FAAP100: variants seen among roughly 807,000 people sequenced by gnomAD.
FAAP100 encodes Fanconi anemia core complex-associated protein 100.
Under a neutral mutation model 65.8 loss-of-function variants are expected in FAAP100, and 46 were observed. That is an observed-to-expected ratio of 0.70 (90% CI 0.55 to 0.89). The LOEUF (loss-of-function observed/expected upper bound fraction) is 0.89, where lower values mean the gene tolerates loss of function less well. FAAP100 is among the 40% of genes least tolerant of loss of function. The pLI, the probability that FAAP100 is intolerant of heterozygous loss-of-function variation, is 0.00. For synonymous variants in FAAP100, 663 were observed against 555.1 expected, an observed-to-expected ratio of 1.19 and a Z score of -2.73; for missense variants, 1,165 against 1,196.7, an observed-to-expected ratio of 0.97 and a Z score of 0.39.
intron 2 of FAAP100, 112 bp downstream of exon 2, chr17:81,551,816 C>CAG: frequency 5.8e-6 from 8 of 1,387,388 alleles, no homozygotes; most frequent in Non-Finnish European, 7.4e-6. Flanking sequence ...GCCGAGGCTT[C>CAG]AGAGCTGGCG....
Position 81,550,265 on chromosome 17 carries a change from G to A in FAAP100, c.1229C>T (p.Ser410Phe). The change falls in exon 3 of 9, where the codon TCT becomes TTT. Residue 410 changes from serine to phenylalanine, a missense_variant. By Grantham distance (155) the Ser-to-Phe change is radical. Coordinates refer to ENST00000327787, the MANE Select transcript of FAAP100 (RefSeq NM_025161.6). ...GCTCATACCTTCATGCGTCCTGGGAGACGCGGACAGCGAGACGACACTGCA... is the reference window on the plus strand; with the variant it reads ...GCTCATACCTTCATGCGTCCTGGGAAACGCGGACAGCGAGACGACACTGCA... ...NICSVVSLSASPRTHEGGTKL... is the reference protein window; with the variant it reads ...NICSVVSLSAFPRTHEGGTKL... The A allele has an allele frequency of 6.2e-7, 1 of 1,605,928 alleles. No individual in the cohort carries two copies. The highest frequency in any genetic ancestry group is 8.5e-7 in the Non-Finnish European group (1 of 1,175,524).
chr17:81,551,270 A>C, intron 2 of FAAP100, 67 bp from the exon 3 acceptor site: 6 of 1,409,324 alleles, frequency 4.3e-6, no homozygotes, highest in Non-Finnish European at 4.7e-6. Flanking sequence ...CTTCACAATA[A>C]CCTGGCATGG....
At chr17:81,545,595 G>C (rs555293090) in intron 6 of FAAP100, 151 bp downstream of exon 6, 1 of 1,134,226 alleles carries the variant, frequency 8.8e-7, no homozygotes, top group Admixed American at 2.8e-5. Flanking sequence ...CTTGGTGCGA[G>C]GGGAAACTGT....
chr17:81,549,409 A>G, intron 3 of FAAP100, 47 bp from the exon 4 acceptor site: 6 of 1,571,544 alleles, frequency 3.8e-6, no homozygotes, highest in Non-Finnish European at 5.2e-6. Flanking sequence ...GGGAGGGGCA[A>G]GCAGCATGAC....
At position 81,544,131 on chromosome 17, in the gene FAAP100, G is replaced by A. The variant is rs2033213136; in HGVS notation, c.2311-11C>T. ...GTCAGTCATGGCCACCTGCAACACA[G>A]GAGCCACCTCACTGCCTGCCTGTGG... On this transcript the variant is annotated splice_polypyrimidine_tract_variant and intron_variant, in intron 6 of 8. Transcript: ENST00000327787. The A allele has an allele frequency of 6.3e-7, 1 of 1,595,650 alleles. No individual in the cohort carries two copies. Among genetic ancestry groups the A allele is most frequent in the South Asian group, 1.1e-5 (1 of 90,634 alleles).
Position 81,549,258 on chromosome 17 carries a change from C to T in FAAP100, c.1351G>A (p.Ala451Thr), listed in dbSNP as rs1598598411. Reference sequence around the variant, plus strand: ...AGCAGCTCCTTTATTTTCTGACCTGCACTCTCTGTGGTCATCCTGGCTGGG... The same window carrying T: ...AGCAGCTCCTTTATTTTCTGACCTGTACTCTCTGTGGTCATCCTGGCTGGG... ...PGPARMTTES[A>T]GQKIKELLSG... Residue 451 changes from alanine (A) to threonine (T), a missense_variant, in exon 4 of 9, where the codon GCA becomes ACA. Physicochemically the swap from Ala to Thr is moderately conservative, Grantham distance 58 (BLOSUM62 0). Coordinates refer to ENST00000327787, the MANE Select transcript of FAAP100 (RefSeq NM_025161.6). The T allele has an allele frequency of 3.7e-6, 6 of 1,613,092 alleles. No homozygotes were observed. In the East Asian group the frequency reaches 8.9e-5, roughly 24 times the overall value.
Position 81,540,668 on chromosome 17 carries a change from T to C in FAAP100, c.*151A>G, listed in dbSNP as rs560625889. ...TTTGTGCTCCACGGCCTCCAAGCAC[T>C]TTCATGAGCGTTCTGCTCCTACGTG... On this transcript the variant is annotated 3_prime_UTR_variant, in exon 9 of 9. Transcript: ENST00000327787. The C allele has an allele frequency of 5.5e-6, 6 of 1,091,842 alleles. No homozygotes were observed. In the South Asian group the frequency reaches 1.3e-4, roughly 24 times the overall value. 67.6% of individuals were successfully genotyped at this position (1,091,842 alleles called of 1,614,324 possible).
At chr17:81,551,766 G>A in intron 2 of FAAP100, 162 bp downstream of exon 2, 1 of 1,373,484 alleles carries the variant, frequency 7.3e-7, no homozygotes, top group Non-Finnish European at 9.3e-7. Flanking sequence ...CAGAAAGAGT[G>A]CTGGGGGCAG....
At chr17:81,544,829 G>A (rs2033242594) in intron 6 of FAAP100, among the ~76,000 whole-genome samples, 1 of 152,244 alleles carries the variant, frequency 6.6e-6, no homozygotes, top group Non-Finnish European at 1.5e-5. Flanking sequence ...TGAAAGGGCT[G>A]TGTAGAGGGC....
In FAAP100 at chr17:81,550,674, T is replaced by C. The variant is rs973092036; in HGVS notation, c.820A>G (p.Ile274Val). Residue 274 changes from isoleucine to valine, a missense_variant, in exon 3 of 9, where the codon ATC becomes GTC. By Grantham distance (29) the Ile-to-Val change is conservative. Coordinates refer to ENST00000327787, the MANE Select transcript of FAAP100 (RefSeq NM_025161.6). ...APGDPNALVK[I>V]LHHLEEPVIF... ...ACGGGCTCCTCCAGGTGATGGAGGA[T>C]CTTGACAAGGGCATTTGGGTCACCA... 3.7e-6 allele frequency: 6 copies of C among 1,613,004 alleles called. No homozygotes were observed. The highest frequency in any genetic ancestry group is 5.1e-6 in the Non-Finnish European group (6 of 1,180,006).
intron 4 of FAAP100, among the ~76,000 whole-genome samples, chr17:81,548,926 G>A (rs1406687271): frequency 2.6e-5 from 4 of 151,160 alleles, no homozygotes; most frequent in African/African-American, 9.7e-5. Flanking sequence ...TGTAGTCCCA[G>A]CTACTCGGGA....
At chr17:81,541,191 G>C in intron 8 of FAAP100, 118 bp downstream of exon 8, 1 of 1,242,298 alleles carries the variant, frequency 8.0e-7, no homozygotes, top group Admixed American at 2.0e-5. Context: ...AGGCCCATGG[G>C]AGCGAAGCCC....
In FAAP100 at chr17:81,540,435, C is replaced by T. The variant is rs1016164359; in HGVS notation, c.*384G>A. On this transcript the variant is annotated 3_prime_UTR_variant, in exon 9 of 9. Coordinates refer to ENST00000327787, the MANE Select transcript of FAAP100 (RefSeq NM_025161.6). ...ACCCCAAGTCCAAACCCCAGAAATC[C>T]TGTTTCTCTGGCCCTCCGGGTCCAG... 5 of 405,048 alleles carry T rather than the reference C, an allele frequency of 1.2e-5. No individual in the cohort carries two copies. Among genetic ancestry groups the T allele is most frequent in the Non-Finnish European group, 1.7e-5 (4 of 229,636 alleles). 25.1% of individuals were successfully genotyped at this position (405,048 alleles called of 1,614,324 possible).
intron 7 of FAAP100, among the ~76,000 whole-genome samples, chr17:81,543,645 C>G (rs980155786): frequency 2.2e-4 from 33 of 152,182 alleles, no homozygotes; most frequent in African/African-American, 8.0e-4. Context: ...AGGCCACGGC[C>G]TCTCCAGGCA....
chr17:81,552,372 G>A (rs1289154480), upstream of FAAP100: 2 of 1,306,812 alleles, frequency 1.5e-6, no homozygotes, highest in Non-Finnish European at 1.9e-6. Flanking sequence ...CCGGCCGCGC[G>A]GCGGCGGCTC....
chr17:81,549,171 G>A (rs79387795), intron 4 of FAAP100, 35 bp downstream of exon 4: 33,723 of 1,589,744 alleles, frequency 0.021, 651 homozygotes, highest in East Asian at 0.13. Flanking sequence ...GGATGGCAGC[G>A]CCAGCCTCTA....
At position 81,547,435 on chromosome 17, in the gene FAAP100, G is replaced by A. The variant is rs1327164431; in HGVS notation, c.1647C>T (p.Thr549=). Residue 549 remains threonine, a synonymous_variant, in exon 5 of 9, where the codon ACC becomes ACT. Coordinates refer to ENST00000327787, the MANE Select transcript of FAAP100 (RefSeq NM_025161.6). ...AGTCCAGGTCGAGAGCACAGGAGCT[G>A]GTGAGCACCTGGATGCACAGGGTCC... is the stretch of plus-strand genomic sequence containing the variant. ...QGWTLCIQVL[T]SSCALDLDSA... 1 of 1,613,020 alleles carries A rather than the reference G, an allele frequency of 6.2e-7. No individual in the cohort carries two copies. The highest frequency in any genetic ancestry group is 1.7e-5 in the Admixed American group (1 of 60,032).
rs112038587 is a variant in FAAP100, at chr17:81,547,092, G to C, written c.1990C>G (p.Arg664Gly). 6.5e-7 allele frequency: 1 copy of C among 1,532,136 alleles called. No individual in the cohort carries two copies. Among genetic ancestry groups the C allele is most frequent in the African/African-American group, 1.4e-5 (1 of 72,056 alleles). 94.9% of individuals were successfully genotyped at this position (1,532,136 alleles called of 1,614,324 possible). Reference protein sequence around the residue: ...RFPGLAPPHTRAPSPLGPTRD... With the variant: ...RFPGLAPPHTGAPSPLGPTRD... ...GTGGGGCCGAGTGGGGAGGGGGCCC[G>C]TGTGTGTGGCGGGGCCAGGCCAGGG... The change falls in exon 5 of 9, where the codon CGG becomes GGG. Residue 664 changes from arginine to glycine, a missense_variant. Coordinates refer to ENST00000327787, the MANE Select transcript of FAAP100 (RefSeq NM_025161.6).
rs1270258275 is a variant in FAAP100 at position 81,552,247 on chromosome 17, C to A, written c.84G>T (p.Val28=). ...GGAAGACCTCTGCCTCATGGCACAGCACGCGGGGCTTGCCCGCCGCCAGGC... is the reference window on the plus strand; with the variant it reads ...GGAAGACCTCTGCCTCATGGCACAGAACGCGGGGCTTGCCCGCCGCCAGGC... ...LGGLAAGKPR[V]LCHEAEVFLS... Residue 28 remains valine, a synonymous_variant, in exon 1 of 9, where the codon GTG becomes GTT. Transcript: ENST00000327787. 6.7e-7 allele frequency: 1 copy of A among 1,485,436 alleles called. No homozygotes were observed. The highest frequency in any genetic ancestry group is 8.9e-7 in the Non-Finnish European group (1 of 1,125,080). 92.0% of individuals were successfully genotyped at this position (1,485,436 alleles called of 1,614,324 possible).
Sources: allele counts gnomAD v4.1 joint callset (sites outside exome capture counted in the v4.1 genomes callset), GRCh38; gene constraint gnomAD v4.1.1; transcripts MANE v1.5; gene names NCBI Gene and HGNC (gene_info 2026-07-23, HGNC 2026-07-21).